The following PIP4P2 variants were observed in gnomAD, a reference collection of about 807,000 sequenced individuals.
The protein encoded by PIP4P2 is phosphatidylinositol-4,5-bisphosphate 4-phosphatase 2, also known as type 2 phosphatidylinositol 4,5-bisphosphate 4-phosphatase.
PIP4P2 carries 19 observed loss-of-function variants against 33.3 expected under a neutral mutation model. That is an observed-to-expected ratio of 0.57 (90% CI 0.40 to 0.84). The LOEUF (loss-of-function observed/expected upper bound fraction) is 0.84, where lower values mean the gene tolerates loss of function less well. PIP4P2 is among the 40% of genes least tolerant of loss of function. PIP4P2 has a pLI of 0.00. For synonymous variants in PIP4P2, 110 were observed against 111.9 expected (o/e 0.98, Z 0.11); for missense variants, 270 against 324.7 (o/e 0.83, Z 1.29).
At chr8:91,035,473 C>T (rs1245894537) in intron 1 of PIP4P2, among the ~76,000 whole-genome samples, 1 of 152,180 alleles carries the variant, frequency 6.6e-6, no homozygotes, top group East Asian at 1.9e-4. Flanking sequence ...TAAACTTTTG[C>T]ATGAAGACTC....
At chr8:90,997,934 T>C (rs1811650488) in intron 5 of PIP4P2, among the ~76,000 whole-genome samples, 1 of 152,094 alleles carries the variant, frequency 6.6e-6, no homozygotes, top group Non-Finnish European at 1.5e-5. Flanking sequence ...CAAATATACA[T>C]CGTAAATTTT....
intron 4 of PIP4P2, among the ~76,000 whole-genome samples, chr8:91,013,561 G>C (rs1811868875): frequency 6.6e-6 from 1 of 151,924 alleles, no homozygotes. Context: ...TAAAGATAGG[G>C]TCTCATTCTA....
In PIP4P2 at chr8:91,014,937, A is replaced by G. The variant is rs568619851; in HGVS notation, c.486+3453T>C. On this transcript the variant is annotated intron_variant, in intron 4 of 6. Transcript: ENST00000285419. ...TCAAATATAACCCAATAAAGCTGGG[A>G]AAAAAACAGAAGTATTGATTGCAAA... Among the ~76,000 whole-genome samples, 34 of 152,188 alleles carry G rather than the reference A, an allele frequency of 2.2e-4. No individual in the cohort carries two copies. The South Asian group carries it at 6.6e-3, about 30-fold the overall frequency.
intron 4 of PIP4P2, among the ~76,000 whole-genome samples, chr8:91,012,085 CT>C: frequency 6.6e-6 from 1 of 151,946 alleles, no homozygotes; most frequent in Admixed American, 6.6e-5. Context: ...AATAAAATAT[CT>C]TGAGTATTTT....
intron 1 of PIP4P2, 112 bp from the exon 2 acceptor site, chr8:91,021,516 T>A (rs1812008973): frequency 7.7e-7 from 1 of 1,295,124 alleles, no homozygotes; most frequent in Non-Finnish European, 1.0e-6. Context: ...CCACGTTCTT[T>A]TATTTATTTT....
At chr8:91,007,046 C>A (rs914776774) in intron 5 of PIP4P2, among the ~76,000 whole-genome samples, 5 of 152,040 alleles carry the variant, frequency 3.3e-5, no homozygotes, top group Non-Finnish European at 7.4e-5. Context: ...AATATATTTG[C>A]AATTTAATTT....
At chr8:91,021,156 A>T in intron 2 of PIP4P2, 100 bp downstream of exon 2, 1 of 1,340,274 alleles carries the variant, frequency 7.5e-7, no homozygotes. Context: ...ATTTGTATCC[A>T]GCCCACATAT....
chr8:91,023,475 G>A (rs999677511), intron 1 of PIP4P2, among the ~76,000 whole-genome samples: 1 of 151,976 alleles, frequency 6.6e-6, no homozygotes, highest in African/African-American at 2.4e-5. Context: ...AAATTTCAGA[G>A]GGTGATCTTA....
chr8:91,017,103 T>C (rs1430692481), intron 4 of PIP4P2, among the ~76,000 whole-genome samples: 1 of 152,232 alleles, frequency 6.6e-6, no homozygotes, highest in Non-Finnish European at 1.5e-5. Flanking sequence ...GGGAGGGCAG[T>C]ATAAGTGCTA....
chr8:90,998,511 A>G (rs1224011062), intron 5 of PIP4P2, among the ~76,000 whole-genome samples: 1 of 152,020 alleles, frequency 6.6e-6, no homozygotes, highest in Admixed American at 6.6e-5. Context: ...TATTTAGTAC[A>G]TATGTGGTAT....
intron 5 of PIP4P2, among the ~76,000 whole-genome samples, chr8:90,999,364 A>G (rs1405419544): frequency 1.3e-5 from 2 of 152,144 alleles, no homozygotes; most frequent in Non-Finnish European, 2.9e-5. Context: ...ATAAAACTTA[A>G]AGGTAAATGT....
intron 1 of PIP4P2, chr8:91,024,211 T>C: frequency 3.2e-6 from 1 of 308,666 alleles, no homozygotes; most frequent in Admixed American, 3.7e-5. Context: ...CAATGTTCTA[T>C]CCATTACTTC....
intron 1 of PIP4P2, among the ~76,000 whole-genome samples, chr8:91,030,112 T>C (rs1276015844): frequency 1.3e-5 from 2 of 151,914 alleles, no homozygotes; most frequent in African/African-American, 4.8e-5. Flanking sequence ...AATGTTACAA[T>C]TTTAAGAATC....
Position 90,995,356 on chromosome 8 carries a change from C to T in PIP4P2, c.*321G>A, listed in dbSNP as rs894218994. ...ACACTTAGGAATACTCATGTATCAG[C>T]AAGTAATGAAATAACTTATTTAAAA... On this transcript the variant is annotated 3_prime_UTR_variant, in exon 7 of 7. Coordinates refer to ENST00000285419, the MANE Select transcript of PIP4P2 (RefSeq NM_018710.3). 1.2e-5 allele frequency: 2 copies of T among 165,600 alleles called. No individual in the cohort carries two copies. The highest frequency in any genetic ancestry group is 6.4e-5 in the Admixed American group (1 of 15,614). 10.3% of individuals were successfully genotyped at this position (165,600 alleles called of 1,614,324 possible).
At chr8:91,006,221 A>C (rs1475967326) in intron 5 of PIP4P2, among the ~76,000 whole-genome samples, 2 of 152,208 alleles carry the variant, frequency 1.3e-5, no homozygotes, top group African/African-American at 4.8e-5. Context: ...ACCAGCTAGG[A>C]GTGTTCATGT....
At chr8:90,999,304 T>A (rs148271397) in intron 5 of PIP4P2, among the ~76,000 whole-genome samples, 192 of 152,048 alleles carry the variant, frequency 1.3e-3, no homozygotes, top group Non-Finnish European at 2.2e-3. Context: ...AACGTAACAT[T>A]CAGAAATTCA....
At chr8:91,018,245 T>G in intron 4 of PIP4P2, 145 bp downstream of exon 4, 1 of 1,309,666 alleles carries the variant, frequency 7.6e-7, no homozygotes, top group Non-Finnish European at 1.0e-6. Flanking sequence ...CTAGTTGCAC[T>G]TCTGATTGTC....
intron 4 of PIP4P2, among the ~76,000 whole-genome samples, chr8:91,012,673 C>T (rs1360258763): frequency 6.6e-6 from 1 of 152,062 alleles, no homozygotes; most frequent in African/African-American, 2.4e-5. Flanking sequence ...ATAATAGTTA[C>T]TCTGCTAATA....
rs562196170 is a variant in PIP4P2, at chr8:91,006,941, C to T, written c.539+1802G>A. Among the ~76,000 whole-genome samples the T allele has an allele frequency of 3.9e-5, 6 of 152,250 alleles. No homozygotes were observed. The East Asian group carries it at 1.2e-3, about 29-fold the overall frequency. On this transcript the variant is annotated intron_variant, in intron 5 of 6. Coordinates refer to ENST00000285419, the MANE Select transcript of PIP4P2 (RefSeq NM_018710.3). ...CTGAGATCGTGCCAGTGCATTCCAG[C>T]CTGGGCAACAGAGTGAGACTCTGTC...
Sources: allele counts gnomAD v4.1 joint callset (sites outside exome capture counted in the v4.1 genomes callset), GRCh38; gene constraint gnomAD v4.1.1; transcripts MANE v1.5; gene names NCBI Gene and HGNC (gene_info 2026-07-23, HGNC 2026-07-21).